Variants in SYNPR observed in about 807,000 individuals in gnomAD.
The protein encoded by SYNPR is synaptoporin.
A neutral mutation model predicts 32.9 loss-of-function variants in SYNPR; 23 were observed. The ratio of observed to expected loss-of-function variants is 0.70; its 90% confidence interval spans 0.50 to 0.99. The LOEUF is 0.99. SYNPR is among the 50% of genes least tolerant of loss of function. SYNPR has a pLI of 0.00. For missense variants in SYNPR, 318 were observed against 349.3 expected (o/e 0.91, Z 0.71); for synonymous variants, 146 against 135.9 (o/e 1.07, Z -0.52).
At chr3:63,503,684 A>AT (rs1467159149) in intron 3 of SYNPR, among the ~76,000 whole-genome samples, 4 of 152,098 alleles carry the variant, frequency 2.6e-5, no homozygotes, top group Admixed American at 2.6e-4. Flanking sequence ...TTTAAAATGT[A>AT]TTTTTTTCTA....
At chr3:63,474,223 G>A (rs1700858224) in intron 2 of SYNPR, among the ~76,000 whole-genome samples, 1 of 152,188 alleles carries the variant, frequency 6.6e-6, no homozygotes, top group Non-Finnish European at 1.5e-5. Flanking sequence ...CTGTTTGAAA[G>A]CTGCCAGGGA....
chr3:63,540,980 G>A (rs543371064), intron 3 of SYNPR, among the ~76,000 whole-genome samples: 40 of 139,004 alleles, frequency 2.9e-4, no homozygotes, highest in Admixed American at 4.6e-4. Context: ...GTACCTGACT[G>A]CAGCCTGGCC....
At chr3:63,210,574 T>C in the SYNPR span, among the ~76,000 whole-genome samples, 14 of 152,336 alleles carry the variant, frequency 9.2e-5, 1 homozygote, top group Non-Finnish European at 2.1e-4. Flanking sequence ...TTTCCCTTCT[T>C]AGTTATTCTC....
At position 63,568,601 on chromosome 3, in the gene SYNPR, T is replaced by G. The variant is rs138274436; in HGVS notation, c.408+11860T>G. Among the ~76,000 whole-genome samples, 378 of 152,314 alleles carry G rather than the reference T, an allele frequency of 2.5e-3. 2 individuals carry two copies. The highest frequency in any genetic ancestry group is 0.017 in the Middle Eastern group (5 of 294). On this transcript the variant is annotated intron_variant, in intron 4 of 5. Transcript: ENST00000478300. ...TTCTCTATGAAGTGAATTTCTTATT[T>G]CTATGGAGTTACTAAGCTAGGTATA...
In SYNPR at chr3:63,293,538, A is replaced by T. The variant is rs550549929; in HGVS notation, c.84+14796A>T. 1.1e-4 allele frequency among the ~76,000 whole-genome samples: 16 copies of T among 152,342 alleles called. No homozygotes were observed. The South Asian group carries it at 3.3e-3, about 32-fold the overall frequency. On this transcript the variant is annotated intron_variant, in intron 2 of 5. Coordinates refer to ENST00000478300, the MANE Select transcript of SYNPR (RefSeq NM_001130003.2). ...TTAGTTTGCTAGGGCAAACCACATA[A>T]TGTATTAATTTGCTAGAGACTTACA...
chr3:63,594,175 T>C lies in SYNPR; in HGVS notation c.409-14950T>C, dbSNP rs552977095. On this transcript the variant is annotated intron_variant, in intron 4 of 5. Transcript: ENST00000478300. ...AACAGGTAAGGCATCATACCTTACA[T>C]ATGGTAGACCTTCATTCAATATAAT... 1.9e-3 allele frequency among the ~76,000 whole-genome samples: 283 copies of C among 152,260 alleles called. 1 individual carries two copies. The highest frequency in any genetic ancestry group is 6.4e-3 in the African/African-American group (265 of 41,560).
chr3:63,363,236 A>G (rs1392269062), intron 2 of SYNPR, among the ~76,000 whole-genome samples: 2 of 152,206 alleles, frequency 1.3e-5, no homozygotes, highest in East Asian at 3.9e-4. Flanking sequence ...TCTTAATGTT[A>G]TCAGCCTTTT....
At chr3:63,295,717 T>G (rs930308269) in intron 2 of SYNPR, among the ~76,000 whole-genome samples, 2 of 152,212 alleles carry the variant, frequency 1.3e-5, no homozygotes, top group Non-Finnish European at 2.9e-5. Flanking sequence ...AGGATGATCT[T>G]GATTTGATCT....
intron 2 of SYNPR, among the ~76,000 whole-genome samples, chr3:63,291,491 T>C (rs1275392314): frequency 6.6e-6 from 1 of 152,158 alleles, no homozygotes; most frequent in East Asian, 1.9e-4. Flanking sequence ...TGGGCTACCT[T>C]TAATGTCCAT....
chr3:63,495,469 C>G (rs1701353291), intron 3 of SYNPR, among the ~76,000 whole-genome samples: 1 of 152,114 alleles, frequency 6.6e-6, no homozygotes, highest in South Asian at 2.1e-4. Flanking sequence ...ATCACTTTTC[C>G]TAAGTACAGA....
intron 4 of SYNPR, among the ~76,000 whole-genome samples, chr3:63,583,942 C>T (rs1703137276): frequency 1.3e-5 from 2 of 152,046 alleles, no homozygotes; most frequent in Admixed American, 1.3e-4. Context: ...ATCTAAGAAC[C>T]ACTTGCCCTG....
intron 2 of SYNPR, among the ~76,000 whole-genome samples, chr3:63,462,891 G>C (rs1700612283): frequency 6.6e-6 from 1 of 152,104 alleles, no homozygotes; most frequent in Middle Eastern, 3.2e-3. Context: ...TTTCCTGTAA[G>C]GGGAAGGTGC....
intron 2 of SYNPR, among the ~76,000 whole-genome samples, chr3:63,321,350 A>G (rs530442785): frequency 1.3e-5 from 2 of 152,056 alleles, no homozygotes; most frequent in Non-Finnish European, 2.9e-5. Flanking sequence ...CAAAGAAGAA[A>G]GTATGTTTTA....
chr3:63,603,705 T>C (rs893798188), intron 4 of SYNPR, among the ~76,000 whole-genome samples: 3 of 152,226 alleles, frequency 2.0e-5, no homozygotes, highest in African/African-American at 7.2e-5. Context: ...TGCTTGATCA[T>C]GGTGAATTAG....
intron 4 of SYNPR, among the ~76,000 whole-genome samples, chr3:63,588,295 T>C (rs1703228598): frequency 6.6e-6 from 1 of 152,042 alleles, no homozygotes; most frequent in African/African-American, 2.4e-5. Context: ...CTAGAGTACA[T>C]GTGAGAGATG....
intron 2 of SYNPR, among the ~76,000 whole-genome samples, chr3:63,464,148 T>C (rs1700637489): frequency 6.6e-6 from 1 of 152,204 alleles, no homozygotes; most frequent in Non-Finnish European, 1.5e-5. Flanking sequence ...TTTGCTCTGA[T>C]GCTAGTTCTG....
chr3:63,608,377 A>G (rs1700153076), intron 4 of SYNPR, among the ~76,000 whole-genome samples: 1 of 152,152 alleles, frequency 6.6e-6, no homozygotes, highest in Admixed American at 6.5e-5. Flanking sequence ...GTTACCTTTT[A>G]TCTGTGAGTT....
chr3:63,268,096 A>G (rs1052013117), intron 3 of SYNPR, among the ~76,000 whole-genome samples: 2 of 152,248 alleles, frequency 1.3e-5, no homozygotes, highest in Non-Finnish European at 2.9e-5. Context: ...AAATGAGCAC[A>G]GAATTTAACT....
chr3:63,612,498 T>C (rs965583934), intron 5 of SYNPR, among the ~76,000 whole-genome samples: 2 of 152,182 alleles, frequency 1.3e-5, no homozygotes, highest in African/African-American at 4.8e-5. Flanking sequence ...GTCTCCCCAT[T>C]GTTTGCATGT....
Sources: allele counts gnomAD v4.1 joint callset (sites outside exome capture counted in the v4.1 genomes callset), GRCh38; gene constraint gnomAD v4.1.1; transcripts MANE v1.5; gene names NCBI Gene and HGNC (gene_info 2026-07-23, HGNC 2026-07-21).